The following EXOC4 variants were observed in gnomAD, a reference collection of about 807,000 sequenced individuals.
EXOC4 encodes exocyst complex component 4, also known as SEC8-like 1.
A neutral mutation model predicts 107.2 loss-of-function variants in EXOC4; 71 were observed. That is an observed-to-expected ratio of 0.66 (90% confidence interval 0.55 to 0.81). The LOEUF is 0.81. EXOC4 is among the 30% of genes least tolerant of loss of function. EXOC4 has a pLI of 0.00. For missense variants in EXOC4, 1,108 were observed against 1,189.6 expected (o/e 0.93, Z 1.01); for synonymous variants, 456 against 441.2 (o/e 1.03, Z -0.42).
Position 134,025,341 on chromosome 7 carries a change from T to C in EXOC4, c.2687+17506T>C, listed in dbSNP as rs556325471. 2.2e-3 allele frequency among the ~76,000 whole-genome samples: 334 copies of C among 152,268 alleles called. 1 individual carries two copies. The highest frequency in any genetic ancestry group is 0.014 in the Middle Eastern group (4 of 294). ...TTATTTTTTAAAGAAAAAGCAAAAT[T>C]GACTGGATTGCATGCCCTGAAGCAA... On this transcript the variant is annotated intron_variant, in intron 17 of 17. Transcript: ENST00000253861.
At chr7:133,602,579 A>G (rs1166401680) in intron 9 of EXOC4, among the ~76,000 whole-genome samples, 1 of 152,226 alleles carries the variant, frequency 6.6e-6, no homozygotes, top group Non-Finnish European at 1.5e-5. Context: ...TGATGTGACT[A>G]CAAAACTAGA....
chr7:133,797,731 C>G (rs943672484), intron 10 of EXOC4, among the ~76,000 whole-genome samples: 1 of 152,184 alleles, frequency 6.6e-6, no homozygotes, highest in Non-Finnish European at 1.5e-5. Context: ...CCTGAAGTCT[C>G]TAGTCCCTGG....
At chr7:133,608,480 A>G (rs1012979668) in intron 9 of EXOC4, among the ~76,000 whole-genome samples, 13 of 152,024 alleles carry the variant, frequency 8.6e-5, no homozygotes, top group Non-Finnish European at 1.5e-4. Context: ...GCATTGTACT[A>G]AAGACCCTAG....
intron 7 of EXOC4, among the ~76,000 whole-genome samples, chr7:133,466,431 A>G (rs1001036183): frequency 6.6e-6 from 1 of 152,200 alleles, no homozygotes; most frequent in African/African-American, 2.4e-5. Context: ...TTCTGAGACT[A>G]CTATGATATG....
intron 10 of EXOC4, among the ~76,000 whole-genome samples, chr7:133,750,347 T>C (rs980842245): frequency 2.6e-5 from 4 of 152,128 alleles, no homozygotes; most frequent in African/African-American, 9.7e-5. Flanking sequence ...AGGGTATCCA[T>C]TGAACTCCAT....
intron 2 of EXOC4, among the ~76,000 whole-genome samples, chr7:133,281,176 A>G (rs1269643075): frequency 6.6e-6 from 1 of 152,184 alleles, no homozygotes; most frequent in Non-Finnish European, 1.5e-5. Flanking sequence ...TAGTTCTAAA[A>G]GGCTTTTAAA....
intron 14 of EXOC4, among the ~76,000 whole-genome samples, chr7:133,947,655 C>A (rs1044927708): frequency 2.6e-5 from 4 of 152,308 alleles, no homozygotes; most frequent in South Asian, 2.1e-4. Context: ...ACCCCACCCC[C>A]CTCCGTAAGG....
chr7:133,665,757 T>A (rs1174530424), intron 10 of EXOC4, among the ~76,000 whole-genome samples: 1 of 152,174 alleles, frequency 6.6e-6, no homozygotes, highest in East Asian at 1.9e-4. Context: ...AACCCTGGTA[T>A]GACTCTTTTC....
chr7:133,584,579 T>G (rs866942287), intron 9 of EXOC4, among the ~76,000 whole-genome samples: 13 of 134,920 alleles, frequency 9.6e-5, no homozygotes, highest in African/African-American at 3.6e-4. Context: ...TTTCAGTTTT[T>G]TTTTTGTTTT....
chr7:133,621,058 A>G (rs1352053174), intron 9 of EXOC4, among the ~76,000 whole-genome samples: 1 of 152,216 alleles, frequency 6.6e-6, no homozygotes, highest in Non-Finnish European at 1.5e-5. Context: ...AGACTCCATT[A>G]TAGAAACATT....
Position 133,434,110 on chromosome 7 carries a change from T to G in EXOC4, c.1183-41218T>G, listed in dbSNP as rs190828780. Among the ~76,000 whole-genome samples the G allele has an allele frequency of 7.2e-5, 11 of 152,268 alleles. No individual in the cohort carries two copies. In the East Asian group the frequency reaches 2.1e-3, roughly 29 times the overall value. On this transcript the variant is annotated intron_variant, in intron 7 of 17. Coordinates refer to ENST00000253861, the MANE Select transcript of EXOC4 (RefSeq NM_021807.4). ...TAATGATTGTCTTGGGCTAATTCCTTTACTGTGCCTTCAGCATCATTAGAT... is the reference window on the plus strand; with the variant it reads ...TAATGATTGTCTTGGGCTAATTCCTGTACTGTGCCTTCAGCATCATTAGAT...
intron 10 of EXOC4, among the ~76,000 whole-genome samples, chr7:133,708,868 G>C (rs1339076299): frequency 3.9e-5 from 6 of 152,184 alleles, no homozygotes; most frequent in Non-Finnish European, 8.8e-5. Flanking sequence ...TGACCCCATG[G>C]ATCCATAGCT....
intron 9 of EXOC4, among the ~76,000 whole-genome samples, chr7:133,484,723 A>T (rs1384230962): frequency 6.6e-6 from 1 of 152,150 alleles, no homozygotes; most frequent in African/African-American, 2.4e-5. Flanking sequence ...TAGTATTAGA[A>T]ATTTCTAAAT....
At chr7:133,679,538 G>GTCCATCCATCCATCCA (rs200481678) in intron 10 of EXOC4, among the ~76,000 whole-genome samples, 4,377 of 143,064 alleles carry the variant, frequency 0.031, 166 homozygotes, top group African/African-American at 0.086. Flanking sequence ...CCATCCGTCC[G>GTCCATCCATCCATCCA]TCCGTCCATC....
the EXOC4 span, among the ~76,000 whole-genome samples, chr7:134,092,317 A>G: frequency 2.0e-5 from 3 of 152,160 alleles, no homozygotes; most frequent in African/African-American, 7.2e-5. Context: ...CCAATTTTTA[A>G]CAAAAAAACT....
chr7:133,860,745 A>G lies in EXOC4; in HGVS notation c.1735-34854A>G, dbSNP rs1172706345. Among the ~76,000 whole-genome samples the G allele has an allele frequency of 3.9e-5, 6 of 152,332 alleles. No homozygotes were observed. In the East Asian group the frequency reaches 1.2e-3, roughly 29 times the overall value. On this transcript the variant is annotated intron_variant, in intron 11 of 17. Coordinates refer to ENST00000253861, the MANE Select transcript of EXOC4 (RefSeq NM_021807.4). ...GATTTAAATGCTTTAATTTAAACCTATGAACTAATAATAATATTACCCTTT... is the reference window on the plus strand; with the variant it reads ...GATTTAAATGCTTTAATTTAAACCTGTGAACTAATAATAATATTACCCTTT...
rs1225526708 is a variant in EXOC4 at position 133,369,868 on chromosome 7, G to GCAATTTCT, written c.1008-4954_1008-4953insCTCAATTT. Among the ~76,000 whole-genome samples, 3 of 140,266 alleles carry GCAATTTCT rather than the reference G, an allele frequency of 2.1e-5. No homozygotes were observed. The East Asian group carries it at 6.5e-4, about 30-fold the overall frequency. The allele number at this position is 140,266 out of a possible 152,430, so 92.0% of individuals were successfully genotyped here. A position where few individuals can be genotyped will look rare whatever the true frequency, so the allele number is the denominator to read the frequency against. On this transcript the variant is annotated intron_variant, in intron 6 of 17. Coordinates refer to ENST00000253861, the MANE Select transcript of EXOC4 (RefSeq NM_021807.4). ...ATTGCCCAGGCTGGAGTGCAATGGC[G>GCAATTTCT]CAATTTGGCTCACCCAACCTTTGCC... is the stretch of plus-strand genomic sequence containing the variant.
At chr7:134,064,144 A>G in intron 17 of EXOC4, 147 bp from the exon 18 acceptor site, 1 of 444,570 alleles carries the variant, frequency 2.2e-6, no homozygotes, top group Non-Finnish European at 3.9e-6. Context: ...CCTGTTCTTT[A>G]TTCTGTTGGT....
At chr7:133,758,138 A>T (rs747221576) in intron 10 of EXOC4, among the ~76,000 whole-genome samples, 6 of 152,018 alleles carry the variant, frequency 3.9e-5, no homozygotes, top group Non-Finnish European at 7.4e-5. Context: ...ATCAGTGCAT[A>T]GTTTATTTAT....
Sources: gnomAD v4.1 joint callset for allele counts (sites outside exome capture counted in the v4.1 genomes callset) on GRCh38, gnomAD v4.1.1 for gene constraint, MANE v1.5 for transcripts, NCBI Gene and HGNC (gene_info 2026-07-23, HGNC 2026-07-21) for gene names.